DCAF6: variants seen among roughly 807,000 people sequenced by gnomAD.
DCAF6 encodes DDB1 and CUL4 associated factor 6.
Under a neutral mutation model 125.1 loss-of-function variants are expected in DCAF6, and 54 were observed. The observed-to-expected ratio is 0.43, with a 90% CI of 0.35 to 0.54. The LOEUF (loss-of-function observed/expected upper bound fraction) is 0.54. Among genes scored for constraint, DCAF6 ranks in the 20% least tolerant of loss-of-function variants. DCAF6 has a pLI of 0.01. For missense variants in DCAF6, 934 were observed against 1,161.7 expected (o/e 0.80, Z 2.85); for synonymous variants, 371 against 390.4 (o/e 0.95, Z 0.58).
At chr1:168,019,127 C>T (rs1374091005) in intron 11 of DCAF6, among the ~76,000 whole-genome samples, 1 of 151,930 alleles carries the variant, frequency 6.6e-6, no homozygotes, top group Non-Finnish European at 1.5e-5. Flanking sequence ...TGGCTCACTG[C>T]AACCTCCACC....
chr1:167,980,158 C>G (rs1311207925), intron 4 of DCAF6, among the ~76,000 whole-genome samples: 1 of 151,696 alleles, frequency 6.6e-6, no homozygotes, highest in Non-Finnish European at 1.5e-5. Flanking sequence ...TCCAGCCTGG[C>G]GACAGAGTGA....
At chr1:167,906,311 G>A in the DCAF6 span, among the ~76,000 whole-genome samples, 1 of 151,272 alleles carries the variant, frequency 6.6e-6, no homozygotes, top group Non-Finnish European at 1.5e-5. Flanking sequence ...GAAAAGTCCT[G>A]GCAAACTCAA....
chr1:167,987,754 T>C (rs1195390771), intron 5 of DCAF6, 146 bp downstream of exon 5: 1 of 521,890 alleles, frequency 1.9e-6, no homozygotes, highest in Non-Finnish European at 3.4e-6. Flanking sequence ...AATTTTTGTT[T>C]TGCTAAAATA....
chr1:168,051,894 T>TC (rs1184327431), intron 17 of DCAF6, among the ~76,000 whole-genome samples: 2 of 151,768 alleles, frequency 1.3e-5, no homozygotes, highest in African/African-American at 2.4e-5. Flanking sequence ...TTTTTTTTTT[T>TC]CCCCAAGATG....
chr1:167,903,971 T>C, the DCAF6 span: 2 of 1,613,548 alleles, frequency 1.2e-6, no homozygotes, highest in Non-Finnish European at 1.7e-6. Flanking sequence ...CTGCTGAACT[T>C]CTCAGTCATT....
intron 12 of DCAF6, among the ~76,000 whole-genome samples, chr1:168,034,923 T>C (rs970351360): frequency 2.0e-5 from 3 of 152,202 alleles, no homozygotes; most frequent in Admixed American, 6.5e-5. Flanking sequence ...AGTAAAAATA[T>C]TTAATTTTTA....
At chr1:167,899,932 G>A in the DCAF6 span, among the ~76,000 whole-genome samples, 1 of 152,086 alleles carries the variant, frequency 6.6e-6, no homozygotes, top group South Asian at 2.1e-4. Flanking sequence ...TATACTTAAG[G>A]GCAACAGGGA....
At chr1:167,985,083 G>A (rs1011712140) in intron 4 of DCAF6, among the ~76,000 whole-genome samples, 4 of 152,102 alleles carry the variant, frequency 2.6e-5, no homozygotes, top group African/African-American at 7.2e-5. Context: ...AACAGCATGG[G>A]AAAGACCTGC....
chr1:167,920,173 T>C, the DCAF6 span: 3 of 855,646 alleles, frequency 3.5e-6, no homozygotes, highest in Non-Finnish European at 3.7e-6. Flanking sequence ...GTAAAGTAAT[T>C]ACAACAATAA....
chr1:167,876,437 C>G, the DCAF6 span, among the ~76,000 whole-genome samples: 361 of 152,186 alleles, frequency 2.4e-3, 1 homozygote, highest in African/African-American at 8.3e-3. Context: ...CTTGAAGAAG[C>G]CTTTTAGTCA....
At chr1:167,870,361 C>G in the DCAF6 span, 1 of 1,613,404 alleles carries the variant, frequency 6.2e-7, no homozygotes. Flanking sequence ...TGTTAGATAT[C>G]AAAAATTTCT....
At chr1:168,044,781 C>T (rs985664522) in intron 15 of DCAF6, 110 bp downstream of exon 15, 4 of 1,422,614 alleles carry the variant, frequency 2.8e-6, no homozygotes, top group African/African-American at 1.4e-5. Context: ...TGGAAGTTTC[C>T]TCCCCTTATA....
At chr1:167,929,397 T>C in the DCAF6 span, among the ~76,000 whole-genome samples, 2 of 152,282 alleles carry the variant, frequency 1.3e-5, no homozygotes, top group South Asian at 2.1e-4. Flanking sequence ...TTTTAAACTA[T>C]GAACTATGTT....
Position 168,043,061 on chromosome 1 carries a change from C to G in DCAF6, c.1764C>G (p.Ser588Arg). 6.2e-7 allele frequency: 1 copy of G among 1,612,532 alleles called. No homozygotes were observed. The highest frequency in any genetic ancestry group is 1.3e-5 in the African/African-American group (1 of 74,884). ...SIASSSRGIG[S>R]HCKSEGQEES... ...CATCAAGTTCTAGAGGAATTGGGAGCCATTGCAAATCTGAGGGTCAGGAGG... is the reference window on the plus strand; with the variant it reads ...CATCAAGTTCTAGAGGAATTGGGAGGCATTGCAAATCTGAGGGTCAGGAGG... The change falls in exon 14 of 22, where the codon AGC becomes AGG. Residue 588 changes from serine to arginine, a missense_variant. By Grantham distance (110) the Ser-to-Arg change is moderately radical. Around this residue, in one of 5 missense-constraint regions of DCAF6, gnomAD observed 559 missense variants for 635.5 expected, o/e 0.88. Transcript: ENST00000367840.
intron 10 of DCAF6, among the ~76,000 whole-genome samples, chr1:168,011,326 C>A (rs1294944633): frequency 1.3e-5 from 2 of 151,896 alleles, no homozygotes; most frequent in Non-Finnish European, 2.9e-5. Context: ...CCATGTTGGC[C>A]AGGATGGTCT....
At chr1:167,915,856 ATCC>A in the DCAF6 span, among the ~76,000 whole-genome samples, 1 of 152,220 alleles carries the variant, frequency 6.6e-6, no homozygotes, top group East Asian at 1.9e-4. Context: ...TACTATGATT[ATCC>A]TCATTTTGCT....
At chr1:167,876,455 T>C in the DCAF6 span, among the ~76,000 whole-genome samples, 12 of 152,202 alleles carry the variant, frequency 7.9e-5, no homozygotes, top group East Asian at 1.9e-3. Context: ...TCAAAATGGA[T>C]TATGCCCTTC....
rs1691909885 is a variant in DCAF6, at chr1:168,063,722, A to G, written c.2402A>G (p.Lys801Arg). The change falls in exon 18 of 22, where the codon AAA (lysine) becomes AGA (arginine). Residue 801 changes from lysine (K) to arginine (R), a missense_variant. Coordinates refer to ENST00000367840, the MANE Select transcript of DCAF6 (RefSeq NM_001198956.2). ...TTGAACATTAGAAGGCCGCTAGTAA[A>G]AATGGTTTATAAAGGCCATCGCAAC... ...DTLNIRRPLV[K>R]MVYKGHRNSR... is the part of the protein sequence containing the mutation. 6.2e-7 allele frequency: 1 copy of G among 1,606,128 alleles called. No individual in the cohort carries two copies. The highest frequency in any genetic ancestry group is 8.5e-7 in the Non-Finnish European group (1 of 1,177,352).
upstream of DCAF6, among the ~76,000 whole-genome samples, chr1:167,935,297 C>G (rs1262058842): frequency 6.6e-6 from 1 of 152,220 alleles, no homozygotes; most frequent in African/African-American, 2.4e-5. Flanking sequence ...CCAGCAGCAG[C>G]TGAAGAAAGT....
Sources: allele counts gnomAD v4.1 joint callset (sites outside exome capture counted in the v4.1 genomes callset), GRCh38; gene constraint gnomAD v4.1.1; regional missense constraint gnomAD v4.1.1; transcripts MANE v1.5; gene names NCBI Gene and HGNC (gene_info 2026-07-23, HGNC 2026-07-21).